The following SLC45A4 variants were observed in gnomAD, a reference collection of about 807,000 sequenced individuals.
SLC45A4 encodes solute carrier family 45 member 4, also known as polyamine-transporter SLC45A4.
In SLC45A4, 32 loss-of-function variants were observed where a neutral mutation model predicts 63.7. The ratio of observed to expected loss-of-function variants is 0.50; its 90% CI spans 0.38 to 0.67. The LOEUF is 0.67. Ranked by LOEUF, SLC45A4 falls within the 30% of genes least tolerant of loss-of-function variation. SLC45A4 has a pLI of 0.00. For synonymous variants in SLC45A4, 535 were observed against 510.0 expected (o/e 1.05, Z -0.66); for missense variants, 1,027 against 1,157.7 (o/e 0.89, Z 1.64).
intron 1 of SLC45A4, among the ~76,000 whole-genome samples, chr8:141,270,575 G>A (rs978326058): frequency 6.6e-6 from 1 of 152,066 alleles, no homozygotes; most frequent in Non-Finnish European, 1.5e-5. Flanking sequence ...GGAGACTGAG[G>A]TGGGAGAACC....
Position 141,211,252 on chromosome 8 carries a change from A to G in SLC45A4, c.*320T>C. On this transcript the variant is annotated 3_prime_UTR_variant, in exon 9 of 9. Coordinates refer to ENST00000517878, the MANE Select transcript of SLC45A4 (RefSeq NM_001286646.2). ...GAAAGTCAACGTTTCCTTCCCCCTG[A>G]CGTTGGGAGCGGTCTGGAGGGGCAA... 1 of 465,900 alleles carries G rather than the reference A, an allele frequency of 2.1e-6. No homozygotes were observed. Among genetic ancestry groups the G allele is most frequent in the East Asian group, 3.5e-5 (1 of 28,692 alleles). The allele number at this position is 465,900 out of a possible 1,614,324, so 28.9% of individuals were successfully genotyped here. A position where few individuals can be genotyped will look rare whatever the true frequency, so the allele number is the denominator to read the frequency against.
chr8:141,253,865 A>C (rs939973920), intron 2 of SLC45A4, 124 bp downstream of exon 2: 2 of 1,420,324 alleles, frequency 1.4e-6, no homozygotes, highest in East Asian at 5.0e-5. Context: ...GAGAGGAGAC[A>C]AAGACTCCAG....
At position 141,229,219 on chromosome 8, in the gene SLC45A4, C is replaced by A. The variant is rs10087637; in HGVS notation, c.242-7454G>T. ...TGGTTCCTCCCTCATCCTCCGTAAC[C>A]CACCCGCCACCTGCAGTCAGAGTGA... On this transcript the variant is annotated intron_variant, in intron 2 of 8. Coordinates refer to ENST00000517878, the MANE Select transcript of SLC45A4 (RefSeq NM_001286646.2). The surrounding 1 kb of genome is among the most constrained non-coding windows in gnomAD (Gnocchi z 5.0). Among the ~76,000 whole-genome samples, 94,397 of 151,752 alleles carry A rather than the reference C, an allele frequency of 0.62. 29,561 individuals are homozygous for A. Among genetic ancestry groups the A allele is most frequent in the South Asian group, 0.78 (3,778 of 4,818 alleles).
chr8:141,262,055 C>T (rs1331564463), intron 1 of SLC45A4, among the ~76,000 whole-genome samples: 4 of 151,560 alleles, frequency 2.6e-5, no homozygotes, highest in East Asian at 1.9e-4. Context: ...CCCTCAGAAA[C>T]AATGCCACAT....
At chr8:141,234,379 C>T (rs539907445) in intron 2 of SLC45A4, among the ~76,000 whole-genome samples, 4 of 152,322 alleles carry the variant, frequency 2.6e-5, no homozygotes, top group Non-Finnish European at 4.4e-5. Flanking sequence ...CTGAAGGGTG[C>T]GGGGTGGGCT....
chr8:141,246,288 C>T (rs1444905941), intron 2 of SLC45A4, among the ~76,000 whole-genome samples: 1 of 152,174 alleles, frequency 6.6e-6, no homozygotes, highest in African/African-American at 2.4e-5. Flanking sequence ...AACTGCACAC[C>T]ACCCAGCGGC....
intron 1 of SLC45A4, among the ~76,000 whole-genome samples, chr8:141,299,277 C>A (rs577770734): frequency 6.6e-6 from 1 of 152,224 alleles, no homozygotes; most frequent in East Asian, 1.9e-4. Flanking sequence ...GATGTTTCTA[C>A]GGAAGGAGAA....
chr8:141,235,697 C>A (rs1173159931), intron 2 of SLC45A4, among the ~76,000 whole-genome samples: 1 of 152,214 alleles, frequency 6.6e-6, no homozygotes, highest in African/African-American at 2.4e-5. Flanking sequence ...ACAAAACAAA[C>A]CATGCCGTCA....
rs76927437 is a variant in SLC45A4 at position 141,246,357 on chromosome 8, C to T, written c.241+7632G>A. Among the ~76,000 whole-genome samples, 1,202 of 152,268 alleles carry T rather than the reference C, an allele frequency of 7.9e-3. 18 individuals are homozygous for T. The highest frequency in any genetic ancestry group is 0.027 in the African/African-American group (1,134 of 41,564). On this transcript the variant is annotated intron_variant, in intron 2 of 8. Transcript: ENST00000517878. ...GGCCGGGAATTCAGGCACAGCTCTG[C>T]GGGGTGGCTCTGGTTTGGGGCCTCT...
intron 8 of SLC45A4, chr8:141,211,929 C>G (rs1222890361): frequency 2.4e-6 from 3 of 1,258,324 alleles, no homozygotes; most frequent in Non-Finnish European, 3.0e-6. Context: ...ATTAAAATAT[C>G]TTTTTCAATT....
intron 1 of SLC45A4, among the ~76,000 whole-genome samples, chr8:141,283,160 C>T (rs899576317): frequency 6.6e-6 from 1 of 152,256 alleles, no homozygotes; most frequent in Admixed American, 6.5e-5. Context: ...CCCACAACCT[C>T]ACGAACATGA....
At chr8:141,304,774 G>A (rs2154615518) in intron 1 of SLC45A4, among the ~76,000 whole-genome samples, 1 of 152,262 alleles carries the variant, frequency 6.6e-6, no homozygotes, top group Middle Eastern at 3.4e-3. Context: ...GTCGTCTGAG[G>A]TGGGAACAAC....
chr8:141,216,614 C>T (rs1826169637), intron 6 of SLC45A4, among the ~76,000 whole-genome samples: 1 of 152,174 alleles, frequency 6.6e-6, no homozygotes, highest in Non-Finnish European at 1.5e-5. Context: ...CAGGCCAGCC[C>T]GATTCACACT....
chr8:141,266,439 A>G (rs1334100205), intron 1 of SLC45A4, among the ~76,000 whole-genome samples: 1 of 152,152 alleles, frequency 6.6e-6, no homozygotes, highest in African/African-American at 2.4e-5. Flanking sequence ...GGCCCCGTTC[A>G]ATCTTTACCA....
chr8:141,301,522 G>A (rs1397985763), intron 1 of SLC45A4, among the ~76,000 whole-genome samples: 1 of 151,920 alleles, frequency 6.6e-6, no homozygotes, highest in Non-Finnish European at 1.5e-5. Context: ...GCAGGAGGGA[G>A]GGTCGCTTGA....
intron 1 of SLC45A4, among the ~76,000 whole-genome samples, chr8:141,305,049 A>G (rs1239224062): frequency 2.0e-5 from 3 of 152,154 alleles, no homozygotes; most frequent in Non-Finnish European, 4.4e-5. Flanking sequence ...GGTAGAGAAG[A>G]TTCATTTCCA....
chr8:141,215,661 C>T lies in SLC45A4; in HGVS notation c.1941+98G>A, dbSNP rs1826097506. On this transcript the variant is annotated intron_variant, in intron 7 of 8. Transcript: ENST00000517878. The surrounding 1 kb of genome is among the most constrained non-coding windows in gnomAD (Gnocchi z 4.3). ...GGAGAGGAAGGAGGGCCATCTGTGTCGTGAACGTCCCCCCGGGGAAGCACA... is the reference window on the plus strand; with the variant it reads ...GGAGAGGAAGGAGGGCCATCTGTGTTGTGAACGTCCCCCCGGGGAAGCACA... 4 of 1,270,496 alleles carry T rather than the reference C, an allele frequency of 3.1e-6. No homozygotes were observed. Among genetic ancestry groups the T allele is most frequent in the South Asian group, 1.3e-5 (1 of 79,268 alleles). 78.7% of individuals were successfully genotyped at this position (1,270,496 alleles called of 1,614,324 possible).
intron 1 of SLC45A4, among the ~76,000 whole-genome samples, chr8:141,259,399 G>A (rs185771165): frequency 2.4e-4 from 37 of 152,344 alleles, no homozygotes; most frequent in Admixed American, 2.4e-3. Context: ...GGGCAGTGCT[G>A]CCCATTGGTC....
rs1382244753 is a variant in SLC45A4 at position 141,212,255 on chromosome 8, G to T, written c.2243C>A (p.Thr748Asn). The change falls in exon 8 of 9, where the codon ACC becomes AAC. Residue 748 changes from threonine (T) to asparagine (N), a missense_variant. Coordinates refer to ENST00000517878, the MANE Select transcript of SLC45A4 (RefSeq NM_001286646.2). ...GRAGGNSEKP[T>N]VLKLTRKEGL... ...CTCCTTCCGCGTGAGCTTCAGCACG[G>T]TGGGCTTTTCGCTGTTCCCACCGGC... 3.8e-6 allele frequency: 6 copies of T among 1,585,154 alleles called. No homozygotes were observed. Among genetic ancestry groups the T allele is most frequent in the Non-Finnish European group, 5.2e-6 (6 of 1,164,242 alleles).
Sources: gnomAD v4.1 joint callset for allele counts (sites outside exome capture counted in the v4.1 genomes callset) on GRCh38, gnomAD v4.1.1 for gene constraint, Gnocchi (gnomAD v3.1) non-coding constraint, MANE v1.5 for transcripts, NCBI Gene and HGNC (gene_info 2026-07-23, HGNC 2026-07-21) for gene names.